The following NKAIN2 variants were observed in gnomAD, a reference collection of about 807,000 sequenced individuals.
The protein encoded by NKAIN2 is sodium/potassium-transporting ATPase subunit beta-1-interacting protein 2.
Under a neutral mutation model 32.6 loss-of-function variants are expected in NKAIN2, and 14 were observed. That is an observed-to-expected ratio of 0.43 (90% CI 0.28 to 0.67). The LOEUF (loss-of-function observed/expected upper bound fraction) is 0.67, where lower values mean the gene tolerates loss of function less well. Ranked by LOEUF, NKAIN2 falls within the 30% of genes least tolerant of loss-of-function variation. The pLI is 0.17. For synonymous variants in NKAIN2, 80 were observed against 87.2 expected (o/e 0.92, Z 0.46); for missense variants, 198 against 258.3 (o/e 0.77, Z 1.60).
At chr6:124,265,268 G>T (rs1794441549) in intron 1 of NKAIN2, among the ~76,000 whole-genome samples, 1 of 151,736 alleles carries the variant, frequency 6.6e-6, no homozygotes, top group Admixed American at 6.6e-5. Flanking sequence ...TGCTATCCAT[G>T]TCTATTTTTA....
chr6:123,823,142 G>A (rs949694304), intron 1 of NKAIN2: 2 of 152,112 alleles, frequency 1.3e-5, no homozygotes, highest in African/African-American at 2.4e-5. Flanking sequence ...TGAGAGGCTA[G>A]GATAATAGCT....
At chr6:124,605,014 T>G (rs1782445555) in intron 3 of NKAIN2, among the ~76,000 whole-genome samples, 1 of 152,024 alleles carries the variant, frequency 6.6e-6, no homozygotes, top group African/African-American at 2.4e-5. Flanking sequence ...CCTCTAAACT[T>G]GTCACACTAA....
intron 1 of NKAIN2, chr6:124,121,736 A>C (rs1785890991): frequency 5.0e-6 from 1 of 200,752 alleles, no homozygotes; most frequent in Non-Finnish European, 1.1e-5. Context: ...AAGCAAATTA[A>C]TATTTTAGCA....
intron 1 of NKAIN2, among the ~76,000 whole-genome samples, chr6:124,099,500 A>G (rs540294152): frequency 6.6e-6 from 1 of 152,206 alleles, no homozygotes; most frequent in Non-Finnish European, 1.5e-5. Context: ...ATATATACCA[A>G]TGTAAAGACA....
In NKAIN2 at chr6:124,432,479, C is replaced by T. The variant is rs149754960; in HGVS notation, c.273+77132C>T. Among the ~76,000 whole-genome samples, 669 of 152,060 alleles carry T rather than the reference C, an allele frequency of 4.4e-3. 4 individuals are homozygous for T. The highest frequency in any genetic ancestry group is 0.015 in the African/African-American group (615 of 41,468). ...AGCTTTAGCCAGTCATAGTGGTGTG[C>T]GCCTATAAGTCACAGCTTCTCAGGA... is the stretch of plus-strand genomic sequence containing the variant. On this transcript the variant is annotated intron_variant, in intron 3 of 6. Coordinates refer to ENST00000368417, the MANE Select transcript of NKAIN2 (RefSeq NM_001040214.3).
intron 1 of NKAIN2, among the ~76,000 whole-genome samples, chr6:123,871,595 A>G (rs9490980): frequency 0.027 from 4,072 of 152,210 alleles, 183 homozygotes; most frequent in African/African-American, 0.093. Context: ...GAGCTTCCAG[A>G]AAAAGGGGGC....
chr6:124,024,819 T>C (rs12203982), intron 1 of NKAIN2, among the ~76,000 whole-genome samples: 18,814 of 151,854 alleles, frequency 0.12, 1,419 homozygotes, highest in Admixed American at 0.21. Flanking sequence ...AAACCCTGTC[T>C]CTACTAAAAA....
intron 4 of NKAIN2, among the ~76,000 whole-genome samples, chr6:124,751,164 T>C (rs1395205082): frequency 6.6e-6 from 1 of 152,062 alleles, no homozygotes; most frequent in African/African-American, 2.4e-5. Context: ...GCAAGGCACC[T>C]AATGACGTTA....
At chr6:124,248,331 A>C (rs1305243295) in intron 1 of NKAIN2, among the ~76,000 whole-genome samples, 2 of 152,054 alleles carry the variant, frequency 1.3e-5, no homozygotes, top group Non-Finnish European at 2.9e-5. Context: ...GAGGTGGCTT[A>C]TAGCGATTGT....
intron 4 of NKAIN2, among the ~76,000 whole-genome samples, chr6:124,755,414 C>CATAG (rs1777918841): frequency 6.6e-6 from 1 of 152,124 alleles, no homozygotes; most frequent in South Asian, 2.1e-4. Flanking sequence ...TGTCTGGCAA[C>CATAG]ACCCTCATAG....
chr6:124,812,351 A>G (rs1447514668), intron 5 of NKAIN2, among the ~76,000 whole-genome samples: 1 of 152,154 alleles, frequency 6.6e-6, no homozygotes, highest in African/African-American at 2.4e-5. Flanking sequence ...ATTTTCCTTT[A>G]CAGCCTAAAG....
intron 3 of NKAIN2, among the ~76,000 whole-genome samples, chr6:124,500,283 G>A (rs796972454): frequency 5.9e-5 from 9 of 152,240 alleles, no homozygotes; most frequent in African/African-American, 2.2e-4. Flanking sequence ...TTCCAAATGT[G>A]TGTCCACATT....
At chr6:124,010,240 T>C (rs965545593) in intron 1 of NKAIN2, among the ~76,000 whole-genome samples, 7 of 151,970 alleles carry the variant, frequency 4.6e-5, no homozygotes, top group Non-Finnish European at 7.4e-5. Flanking sequence ...GACTTCACTT[T>C]CCCCTGAGCA....
chr6:124,272,924 G>A (rs905983782), intron 1 of NKAIN2, among the ~76,000 whole-genome samples: 2 of 152,198 alleles, frequency 1.3e-5, no homozygotes, highest in South Asian at 4.1e-4. Context: ...ACTTTGTTTT[G>A]GCACATTTCT....
intron 1 of NKAIN2, among the ~76,000 whole-genome samples, chr6:123,812,783 G>A (rs1773531247): frequency 6.6e-6 from 1 of 152,150 alleles, no homozygotes; most frequent in Non-Finnish European, 1.5e-5. Context: ...TTTAATCAAT[G>A]CATTACACTC....
At chr6:124,426,161 A>G (rs1774972891) in intron 3 of NKAIN2, among the ~76,000 whole-genome samples, 1 of 152,206 alleles carries the variant, frequency 6.6e-6, no homozygotes, top group Non-Finnish European at 1.5e-5. Context: ...TGCCATTCTT[A>G]TAATATGACT....
intron 1 of NKAIN2, among the ~76,000 whole-genome samples, chr6:123,825,169 T>G (rs1344573997): frequency 2.0e-5 from 3 of 152,048 alleles, no homozygotes; most frequent in African/African-American, 7.2e-5. Flanking sequence ...CATTCATGAG[T>G]GCCCTGCCGT....
chr6:124,417,675 A>G (rs1774557561), intron 3 of NKAIN2, among the ~76,000 whole-genome samples: 1 of 152,182 alleles, frequency 6.6e-6, no homozygotes, highest in Non-Finnish European at 1.5e-5. Flanking sequence ...CTTTGTCTTC[A>G]GAACACTCTT....
chr6:124,246,871 TC>T (rs1278989216), intron 1 of NKAIN2, among the ~76,000 whole-genome samples: 1 of 152,108 alleles, frequency 6.6e-6, no homozygotes, highest in Non-Finnish European at 1.5e-5. Flanking sequence ...AATGTGCTTT[TC>T]TTATGGTTTT....
Sources: allele counts gnomAD v4.1 joint callset (sites outside exome capture counted in the v4.1 genomes callset), GRCh38; gene constraint gnomAD v4.1.1; transcripts MANE v1.5; gene names NCBI Gene and HGNC (gene_info 2026-07-23, HGNC 2026-07-21).